Variants in ZSWIM6 observed in about 807,000 individuals in gnomAD.
ZSWIM6 encodes zinc finger SWIM domain-containing protein 6.
A neutral mutation model predicts 113.2 loss-of-function variants in ZSWIM6; 9 were observed. The ratio of observed to expected loss-of-function variants is 0.08; its 90% CI spans 0.05 to 0.14. The LOEUF (loss-of-function observed/expected upper bound fraction) is 0.14, where lower values mean the gene tolerates loss of function less well. Among genes scored for constraint, ZSWIM6 ranks in the 10% least tolerant of loss-of-function variants. The pLI, the probability that ZSWIM6 is intolerant of heterozygous loss-of-function variation, is 1.00. For synonymous variants in ZSWIM6, 611 were observed against 606.5 expected (o/e 1.01, Z -0.11); for missense variants, 1,162 against 1,552.2 (o/e 0.75, Z 4.22).
intron 1 of ZSWIM6, among the ~76,000 whole-genome samples, chr5:61,400,036 G>A (rs780121155): frequency 1.3e-5 from 2 of 152,170 alleles, no homozygotes; most frequent in African/African-American, 2.4e-5. Flanking sequence ...GGGCATGGAC[G>A]TGATCTTTGA....
chr5:61,517,744 T>G (rs1232732541), intron 4 of ZSWIM6, among the ~76,000 whole-genome samples: 1 of 151,506 alleles, frequency 6.6e-6, no homozygotes, highest in Non-Finnish European at 1.5e-5. Flanking sequence ...TTTAAAGAAT[T>G]GAAATCCTCA....
intron 1 of ZSWIM6, among the ~76,000 whole-genome samples, chr5:61,364,471 G>T (rs993025682): frequency 2.0e-5 from 3 of 152,090 alleles, no homozygotes; most frequent in Non-Finnish European, 4.4e-5. Flanking sequence ...AATATTTTGT[G>T]ATGTGAAAAT....
rs923044628 is a variant in ZSWIM6, at chr5:61,417,979, C to T, written c.677-54702C>T. ...TACTTTATTGGTGATCTAATCAGTCCATCAATTTACATATGAATAACTGAG... is the reference window on the plus strand; with the variant it reads ...TACTTTATTGGTGATCTAATCAGTCTATCAATTTACATATGAATAACTGAG... On this transcript the variant is annotated intron_variant, in intron 1 of 13. Transcript: ENST00000252744. Among the ~76,000 whole-genome samples the T allele has an allele frequency of 2.6e-5, 4 of 152,048 alleles. No individual in the cohort carries two copies. The South Asian group carries it at 8.3e-4, about 32-fold the overall frequency.
intron 2 of ZSWIM6, among the ~76,000 whole-genome samples, chr5:61,473,720 G>C (rs947162373): frequency 2.0e-5 from 3 of 152,028 alleles, no homozygotes; most frequent in Non-Finnish European, 4.4e-5. Context: ...GCCAAACATA[G>C]GTTGCTTGTG....
intron 10 of ZSWIM6, among the ~76,000 whole-genome samples, chr5:61,537,893 T>C (rs183967107): frequency 1.6e-3 from 244 of 152,338 alleles, no homozygotes; most frequent in Middle Eastern, 0.01. Flanking sequence ...TTAGAAGAGA[T>C]TACTAAATAT....
At chr5:61,393,900 G>T (rs1179813906) in intron 1 of ZSWIM6, among the ~76,000 whole-genome samples, 1 of 151,900 alleles carries the variant, frequency 6.6e-6, no homozygotes, top group African/African-American at 2.4e-5. Flanking sequence ...ATCTACAGGG[G>T]GCTTGGAAAC....
chr5:61,470,444 T>G (rs1209292724), intron 1 of ZSWIM6, among the ~76,000 whole-genome samples: 1 of 152,220 alleles, frequency 6.6e-6, no homozygotes, highest in African/African-American at 2.4e-5. Context: ...CATGAGTTTT[T>G]AATTATTATA....
At chr5:61,333,275 G>A (rs1349138089) in intron 1 of ZSWIM6, among the ~76,000 whole-genome samples, 3 of 151,908 alleles carry the variant, frequency 2.0e-5, no homozygotes, top group Non-Finnish European at 4.4e-5. Flanking sequence ...CCGGTTTCGG[G>A]GGTGGATGTG....
intron 1 of ZSWIM6, among the ~76,000 whole-genome samples, chr5:61,402,581 T>C (rs1579977769): frequency 6.6e-6 from 1 of 152,080 alleles, no homozygotes; most frequent in African/African-American, 2.4e-5. Context: ...ACTAACCAAA[T>C]GAAGGTGTTT....
At chr5:61,541,999 T>G in intron 13 of ZSWIM6, 34 bp downstream of exon 13, 1 of 1,524,252 alleles carries the variant, frequency 6.6e-7, no homozygotes, top group Non-Finnish European at 8.9e-7. Flanking sequence ...CTTTCCTAGG[T>G]GCCTCATGGT....
rs35241021 is a variant in ZSWIM6, at chr5:61,465,419, CT to C, written c.677-7246del. On this transcript the variant is annotated intron_variant, in intron 1 of 13. Transcript: ENST00000252744. ...GATTTGGTATGACGGAGTGATATGA[CT>C]TTTTTTTTTTTTTTTCTAGTTCAAC... Among the ~76,000 whole-genome samples the C allele has an allele frequency of 8.0e-3, 1,091 of 136,994 alleles. 3 individuals carry two copies. Among genetic ancestry groups the C allele is most frequent in the African/African-American group, 0.012 (461 of 37,480 alleles). The allele number at this position is 136,994 out of a possible 152,430, so 89.9% of individuals were successfully genotyped here. A position where few individuals can be genotyped will look rare whatever the true frequency, so the allele number is the denominator to read the frequency against.
chr5:61,498,459 T>C (rs1748379636), intron 4 of ZSWIM6, among the ~76,000 whole-genome samples: 1 of 152,170 alleles, frequency 6.6e-6, no homozygotes, highest in Non-Finnish European at 1.5e-5. Context: ...TGAACAGAAA[T>C]AGCCAGAGTT....
intron 1 of ZSWIM6, among the ~76,000 whole-genome samples, chr5:61,465,554 C>A (rs2112174077): frequency 6.6e-6 from 1 of 152,078 alleles, no homozygotes; most frequent in East Asian, 1.9e-4. Flanking sequence ...TAATGCCACT[C>A]ATATCTAACA....
intron 1 of ZSWIM6, among the ~76,000 whole-genome samples, chr5:61,366,133 C>A (rs1054335615): frequency 6.6e-6 from 1 of 152,166 alleles, no homozygotes; most frequent in Non-Finnish European, 1.5e-5. Flanking sequence ...GGGCTCTCAG[C>A]GATCTGCCCG....
At chr5:61,400,241 A>T (rs1745918803) in intron 1 of ZSWIM6, among the ~76,000 whole-genome samples, 2 of 152,154 alleles carry the variant, frequency 1.3e-5, no homozygotes, top group South Asian at 4.1e-4. Flanking sequence ...TTATGTGACA[A>T]ATCTTTAGAT....
At chr5:61,451,100 A>T (rs1218619970) in intron 1 of ZSWIM6, among the ~76,000 whole-genome samples, 1 of 152,102 alleles carries the variant, frequency 6.6e-6, no homozygotes, top group Non-Finnish European at 1.5e-5. Flanking sequence ...TTGATTTATG[A>T]GCAATTTATC....
intron 1 of ZSWIM6, among the ~76,000 whole-genome samples, chr5:61,385,130 C>G (rs551255849): frequency 2.0e-5 from 3 of 152,308 alleles, no homozygotes; most frequent in Admixed American, 2.0e-4. Flanking sequence ...CCCCTTCCAT[C>G]TCTAAGGTGC....
chr5:61,351,287 A>G (rs915103678), intron 1 of ZSWIM6, among the ~76,000 whole-genome samples: 3 of 152,212 alleles, frequency 2.0e-5, no homozygotes, highest in Non-Finnish European at 4.4e-5. Flanking sequence ...GCTAAAATCA[A>G]TTCTATGTTA....
At chr5:61,346,985 CTGTTTTCAT>C (rs1472360622) in intron 1 of ZSWIM6, 17 of 152,176 alleles carry the variant, frequency 1.1e-4, no homozygotes, top group Non-Finnish European at 1.6e-4. Context: ...AAGGTTTTCA[CTGTTTTCAT>C]TAAAATTTTT....
Sources: allele counts gnomAD v4.1 joint callset (sites outside exome capture counted in the v4.1 genomes callset), GRCh38; gene constraint gnomAD v4.1.1; transcripts MANE v1.5; gene names NCBI Gene and HGNC (gene_info 2026-07-23, HGNC 2026-07-21).